SFXN5: variants seen among roughly 807,000 people sequenced by gnomAD.
SFXN5 encodes sideroflexin-5.
SFXN5 carries 43 observed loss-of-function variants against 50.2 expected under a neutral mutation model. That is an observed-to-expected ratio of 0.86 (90% CI 0.67 to 1.11). The LOEUF is 1.11. Ranked by LOEUF, SFXN5 falls within the 50% of genes least tolerant of loss-of-function variation. The probability of loss-of-function intolerance (pLI) is 0.00; values close to 1 mark genes in which losing one functional copy is unlikely to be tolerated. For missense variants in SFXN5, 463 were observed against 454.1 expected (o/e 1.02, Z -0.18); for synonymous variants, 203 against 185.8 (o/e 1.09, Z -0.75).
Position 72,961,535 on chromosome 2 carries a change from G to A in SFXN5, c.828-287C>T, listed in dbSNP as rs1389695664. On this transcript the variant is annotated intron_variant, in intron 12 of 13. Coordinates refer to ENST00000272433, the MANE Select transcript of SFXN5 (RefSeq NM_144579.3). The surrounding 1 kb of genome is among the most constrained non-coding windows in gnomAD (Gnocchi z 4.4). ...ATGAGTACTTTCGGGGCACCCACCCGCCACGCGTCCAGCCCCGTGCCAAGA... is the reference window on the plus strand; with the variant it reads ...ATGAGTACTTTCGGGGCACCCACCCACCACGCGTCCAGCCCCGTGCCAAGA... Among the ~76,000 whole-genome samples, 6 of 152,118 alleles carry A rather than the reference G, an allele frequency of 3.9e-5. No homozygotes were observed. The highest frequency in any genetic ancestry group is 1.3e-4 in the Admixed American group (2 of 15,278).
intron 6 of SFXN5, among the ~76,000 whole-genome samples, chr2:73,012,717 G>T (rs1040232127): frequency 7.2e-6 from 1 of 139,580 alleles, no homozygotes; most frequent in African/African-American, 2.7e-5. Context: ...CTAAATAATT[G>T]TTAAGTATAA....
intron 1 of SFXN5, chr2:73,059,166 T>C (rs901666519): frequency 1.4e-4 from 142 of 984,962 alleles, no homozygotes; most frequent in Non-Finnish European, 1.7e-4. Context: ...TCCCCCAACC[T>C]TGCCCCAGAG....
At chr2:73,064,304 G>T (rs1284635866) in intron 1 of SFXN5, among the ~76,000 whole-genome samples, 2 of 152,250 alleles carry the variant, frequency 1.3e-5, no homozygotes, top group Non-Finnish European at 2.9e-5. Context: ...TCCTGAATCA[G>T]CTGCACCCTG....
In SFXN5 at chr2:72,944,685, G is replaced by C. The variant is rs574219019; in HGVS notation, c.*337C>G. ...TCTGATAAAAAATAAAAATAAAAAA[G>C]GAACCAAAGTATAAAAGGATTCTAC... On this transcript the variant is annotated 3_prime_UTR_variant, in exon 14 of 14. Transcript: ENST00000272433. 5.4e-5 allele frequency: 12 copies of C among 222,070 alleles called. No individual in the cohort carries two copies. The South Asian group carries it at 1.7e-3, about 32-fold the overall frequency. The allele number at this position is 222,070 out of a possible 1,614,324, so 13.8% of individuals were successfully genotyped here.
At position 72,995,895 on chromosome 2, in the gene SFXN5, C is replaced by T. The variant is rs1391546569; in HGVS notation, c.534+3054G>A. Among the ~76,000 whole-genome samples, 3 of 152,218 alleles carry T rather than the reference C, an allele frequency of 2.0e-5. No individual in the cohort carries two copies. The East Asian group carries it at 5.8e-4, about 29-fold the overall frequency. ...AAGTCAGAAACTCCACTCCATCTGC[C>T]GGAGTTAGACGCTCACTGTGTGAAG... On this transcript the variant is annotated intron_variant, in intron 9 of 13. Transcript: ENST00000272433.
chr2:72,973,011 CAA>C lies in SFXN5; in HGVS notation c.626-1328_626-1327del, dbSNP rs564545038. On this transcript the variant is annotated intron_variant, in intron 10 of 13. Coordinates refer to ENST00000272433, the MANE Select transcript of SFXN5 (RefSeq NM_144579.3). This position sits in a 1 kb window ranked among gnomAD's most constrained non-coding sequence, Gnocchi z 5.5. Reference sequence around the variant, plus strand: ...CCACAGATGCTCCTGGGGCCTGAGCCAACGAGTGGTCCAGGGTGCTCACAGCT... The same window carrying C: ...CCACAGATGCTCCTGGGGCCTGAGCCCGAGTGGTCCAGGGTGCTCACAGCT... Among the ~76,000 whole-genome samples, 10 of 152,034 alleles carry C rather than the reference CAA, an allele frequency of 6.6e-5. No individual in the cohort carries two copies. Among genetic ancestry groups the C allele is most frequent in the Non-Finnish European group, 1.2e-4 (8 of 68,016 alleles).
intron 2 of SFXN5, among the ~76,000 whole-genome samples, chr2:73,044,039 G>A (rs1177093941): frequency 2.6e-5 from 4 of 152,060 alleles, no homozygotes; most frequent in African/African-American, 4.8e-5. Flanking sequence ...CTGCCCCTCC[G>A]GACCTGGACA....
intron 6 of SFXN5, among the ~76,000 whole-genome samples, chr2:73,015,995 A>G (rs1482881240): frequency 6.6e-6 from 1 of 151,594 alleles, no homozygotes; most frequent in Non-Finnish European, 1.5e-5. Context: ...AGTTTTGGTA[A>G]GCTGTATTTT....
At chr2:72,972,788 T>C (rs1670176932) in intron 10 of SFXN5, among the ~76,000 whole-genome samples, 1 of 152,266 alleles carries the variant, frequency 6.6e-6, no homozygotes, top group Non-Finnish European at 1.5e-5. Context: ...TTTTTGCTAA[T>C]TAATGTCAAT....
intron 10 of SFXN5, among the ~76,000 whole-genome samples, chr2:72,985,295 C>A (rs890607848): frequency 4.1e-4 from 63 of 152,220 alleles, no homozygotes; most frequent in African/African-American, 1.5e-3. Flanking sequence ...CGGAGACCTG[C>A]AGTGAACCCC....
chr2:73,046,892 A>AT (rs1485987799), intron 2 of SFXN5, among the ~76,000 whole-genome samples: 3 of 150,532 alleles, frequency 2.0e-5, no homozygotes, highest in African/African-American at 7.3e-5. Flanking sequence ...CCTACAATAC[A>AT]TTTAAATGGA....
At chr2:72,967,098 A>T (rs1410797954) in intron 12 of SFXN5, 1 of 152,236 alleles carries the variant, frequency 6.6e-6, no homozygotes, top group Non-Finnish European at 1.5e-5. Flanking sequence ...CATGACCGTA[A>T]GTGGATGACA....
intron 2 of SFXN5, among the ~76,000 whole-genome samples, chr2:73,044,797 T>C (rs1680107257): frequency 6.6e-6 from 1 of 152,134 alleles, no homozygotes; most frequent in Admixed American, 6.5e-5. Context: ...TCCCTCCATG[T>C]ATTTGAGAGG....
chr2:73,025,593 G>T (rs183990548), intron 3 of SFXN5, among the ~76,000 whole-genome samples: 1 of 152,136 alleles, frequency 6.6e-6, no homozygotes, highest in Non-Finnish European at 1.5e-5. Context: ...AAACCCTCTC[G>T]GGGAGGAAGG....
intron 3 of SFXN5, among the ~76,000 whole-genome samples, chr2:73,026,138 C>CTTTTTTT (rs1298238537): frequency 1.4e-5 from 2 of 139,956 alleles, no homozygotes; most frequent in Non-Finnish European, 3.0e-5. Flanking sequence ...TTTTTTTTTT[C>CTTTTTTT]TTTTTTTGAG....
At chr2:72,951,577 G>A (rs545562488) in intron 13 of SFXN5, among the ~76,000 whole-genome samples, 49 of 152,292 alleles carry the variant, frequency 3.2e-4, no homozygotes, top group Non-Finnish European at 5.9e-4. Context: ...TTTGAACCTG[G>A]AGCTAAGGTG....
At chr2:72,972,920 G>A (rs1327109561) in intron 10 of SFXN5, among the ~76,000 whole-genome samples, 2 of 152,054 alleles carry the variant, frequency 1.3e-5, no homozygotes, top group African/African-American at 4.8e-5. Context: ...CCAGTGGGGG[G>A]GGCCACCAGG....
chr2:73,028,356 G>A (rs749738393), intron 3 of SFXN5, among the ~76,000 whole-genome samples: 2 of 152,132 alleles, frequency 1.3e-5, no homozygotes, highest in Non-Finnish European at 2.9e-5. Flanking sequence ...CTCAGCCACC[G>A]CCATGAAATG....
chr2:73,071,708 C>G lies in SFXN5; in HGVS notation c.-3G>C, dbSNP rs780467883. On this transcript the variant is annotated 5_prime_UTR_variant, in exon 1 of 14. Coordinates refer to ENST00000272433, the MANE Select transcript of SFXN5 (RefSeq NM_144579.3). ...GCTGTAGTCGCTGTATCCGCCATGG[C>G]CACTGACGCCCGCAATCTCCGGCCC... 11 of 1,611,580 alleles carry G rather than the reference C, an allele frequency of 6.8e-6. No homozygotes were observed. The Admixed American group carries it at 1.8e-4, about 27-fold the overall frequency.
Sources: gnomAD v4.1 joint callset for allele counts (sites outside exome capture counted in the v4.1 genomes callset) on GRCh38, gnomAD v4.1.1 for gene constraint, Gnocchi (gnomAD v3.1) non-coding constraint, MANE v1.5 for transcripts, NCBI Gene and HGNC (gene_info 2026-07-23, HGNC 2026-07-21) for gene names.